Variants in METTL23 observed in about 807,000 individuals in gnomAD.
METTL23 encodes methyltransferase 23, arginine.
Under a neutral mutation model 21.2 loss-of-function variants are expected in METTL23, and 24 were observed. The observed-to-expected ratio is 1.13, with a 90% confidence interval of 0.82 to 1.59. The LOEUF (loss-of-function observed/expected upper bound fraction) is 1.59. Among genes scored for constraint, METTL23 ranks in the 40% most tolerant of loss-of-function variants. The probability of loss-of-function intolerance (pLI) is 0.00; values close to 1 mark genes in which losing one functional copy is unlikely to be tolerated. For missense variants in METTL23, 276 were observed against 221.4 expected, an observed-to-expected ratio of 1.25 and a Z score of -1.57; for synonymous variants, 97 against 75.2, an observed-to-expected ratio of 1.29 and a Z score of -1.50.
chr17:76,727,822 C>T lies in METTL23; in HGVS notation c.-22+644C>T, dbSNP rs191944238. ...CACAGCTCACTGCAACCTCCAACTC[C>T]CGGATTCAAGTGATCCTCCCGCCTG... On this transcript the variant is annotated intron_variant, in intron 1 of 4. Coordinates refer to ENST00000341249, the MANE Select transcript of METTL23 (RefSeq NM_001080510.5). 3.9e-5 allele frequency among the ~76,000 whole-genome samples: 6 copies of T among 152,272 alleles called. No individual in the cohort carries two copies. In the East Asian group the frequency reaches 1.2e-3, roughly 29 times the overall value.
At chr17:76,731,863 T>C (rs997438365) in intron 2 of METTL23, among the ~76,000 whole-genome samples, 2 of 152,234 alleles carry the variant, frequency 1.3e-5, no homozygotes, top group African/African-American at 4.8e-5. Context: ...TCTATCTCTG[T>C]GTCCTTCCTT....
upstream of METTL23, chr17:76,726,790 G>GCCCCCCCCCCCCCCCCCCC: frequency 2.7e-6 from 1 of 373,646 alleles, no homozygotes; most frequent in Non-Finnish European, 5.0e-6. Context: ...CTGCGTCACC[G>GCCCCCCCCCCCCCCCCCCC]CCCCGCCCCG....
At chr17:76,727,716 C>T (rs998545135) in intron 1 of METTL23, among the ~76,000 whole-genome samples, 2 of 152,262 alleles carry the variant, frequency 1.3e-5, no homozygotes, top group African/African-American at 4.8e-5. Flanking sequence ...CAACAAAACT[C>T]TCAATAATAA....
chr17:76,731,918 G>T (rs1185912140), intron 2 of METTL23, among the ~76,000 whole-genome samples: 1 of 152,174 alleles, frequency 6.6e-6, no homozygotes, highest in African/African-American at 2.4e-5. Flanking sequence ...TACTTATGAA[G>T]GCATTCCCTG....
In METTL23 at chr17:76,733,172, A is replaced by G. The variant is rs550073727; in HGVS notation, c.279A>G (p.Pro93=). 1.9e-6 allele frequency: 3 copies of G among 1,613,954 alleles called. No homozygotes were observed. In the African/African-American group the frequency reaches 4.0e-5, roughly 22 times the overall value. ...CTTGGGATCTTCTGGCTCTACCACC[A>G]CAAGATATTATCCTTGCATCTGATG... is the stretch of plus-strand genomic sequence containing the variant. ...HISWDLLALP[P]QDIILASDVF... is the part of the protein sequence containing the mutation. Residue 93 remains proline, a synonymous_variant, in exon 3 of 5, where the codon CCA becomes CCG. Coordinates refer to ENST00000341249, the MANE Select transcript of METTL23 (RefSeq NM_001080510.5).
upstream of METTL23, chr17:76,726,791 C>G (rs2076952511): frequency 2.7e-6 from 1 of 370,892 alleles, no homozygotes; most frequent in Non-Finnish European, 5.0e-6. Flanking sequence ...TGCGTCACCG[C>G]CCCGCCCCGC....
rs186661101 is a variant in METTL23, at chr17:76,731,533, T to C, written c.85-1445T>C. On this transcript the variant is annotated intron_variant, in intron 2 of 4. Transcript: ENST00000341249. ...GGTAATTAGGATTTGAACATATGAA[T>C]TTTGGGTGAACACATTCAGACCGTA... Among the ~76,000 whole-genome samples the C allele has an allele frequency of 5.3e-5, 8 of 151,892 alleles. No homozygotes were observed. In the East Asian group the frequency reaches 1.5e-3, roughly 29 times the overall value.
At chr17:76,728,701 G>A (rs1003509001) in intron 1 of METTL23, among the ~76,000 whole-genome samples, 2 of 151,452 alleles carry the variant, frequency 1.3e-5, no homozygotes, top group South Asian at 2.1e-4. Flanking sequence ...GTAAGCCACC[G>A]CTCCCGGCTG....
upstream of METTL23, chr17:76,726,250 G>C (rs1568003764): frequency 1.2e-5 from 17 of 1,424,512 alleles, no homozygotes; most frequent in Non-Finnish European, 1.6e-5. Context: ...CGAGGTCCCG[G>C]GCGCTCGGGG....
At position 76,733,820 on chromosome 17, in the gene METTL23, A is replaced by G. The variant is rs2077357712; in HGVS notation, c.*134A>G. ...TCAAGTCTGTTTGCCTTAGATTTTG[A>G]TGTCACCTAGACAACACTTAAACTC... On this transcript the variant is annotated 3_prime_UTR_variant, in exon 5 of 5. Transcript: ENST00000341249. 1.4e-6 allele frequency: 1 copy of G among 697,114 alleles called. No homozygotes were observed. Among genetic ancestry groups the G allele is most frequent in the Non-Finnish European group, 2.3e-6 (1 of 438,068 alleles). 43.2% of individuals were successfully genotyped at this position (697,114 alleles called of 1,614,324 possible).
chr17:76,733,428 C>G, intron 4 of METTL23, 51 bp downstream of exon 4: 1 of 1,600,666 alleles, frequency 6.2e-7, no homozygotes. Context: ...CCTTACTCTA[C>G]CCTACCCATG....
rs751711172 is a variant in METTL23 at position 76,733,421 on chromosome 17, T to C, written c.407+44T>C. The C allele has an allele frequency of 6.9e-6, 11 of 1,603,290 alleles. No homozygotes were observed. The South Asian group carries it at 1.2e-4, about 18-fold the overall frequency. On this transcript the variant is annotated intron_variant, in intron 4 of 4. Transcript: ENST00000341249. ...TACTTTTTATATGTAACTTAAGCCT[T>C]ACTCTACCCTACCCATGCGATACAT...
intron 3 of METTL23, 26 bp downstream of exon 3, chr17:76,733,241 A>G (rs997006889): frequency 6.2e-7 from 1 of 1,613,018 alleles, no homozygotes; most frequent in African/African-American, 1.3e-5. Context: ...TCAATAGTAC[A>G]TTTGGCCAGT....
chr17:76,728,894 C>T (rs1184561561), intron 1 of METTL23, among the ~76,000 whole-genome samples: 13 of 143,078 alleles, frequency 9.1e-5, no homozygotes, highest in African/African-American at 1.3e-4. Context: ...CCCGGGTTCA[C>T]GCCATTTTCC....
chr17:76,729,566 G>T (rs2077108770), intron 1 of METTL23, 124 bp from the exon 2 acceptor site: 2 of 646,368 alleles, frequency 3.1e-6, no homozygotes, highest in Non-Finnish European at 5.6e-6. Flanking sequence ...CCCAAAGGTC[G>T]TGGATTGGTG....
At chr17:76,732,743 C>CATA (rs1568014118) in intron 2 of METTL23, 4 of 566,870 alleles carry the variant, frequency 7.1e-6, no homozygotes, top group Non-Finnish European at 1.3e-5. Context: ...ATACATGGCC[C>CATA]TTTAATATTG....
upstream of METTL23, chr17:76,726,549 G>C (rs1279367534): frequency 5.3e-6 from 8 of 1,500,510 alleles, no homozygotes; most frequent in Non-Finnish European, 6.2e-6. Context: ...ACCCCTCCCC[G>C]GCCTGGGCGG....
At chr17:76,731,295 G>C (rs1450904069) in intron 2 of METTL23, among the ~76,000 whole-genome samples, 2 of 152,122 alleles carry the variant, frequency 1.3e-5, no homozygotes, top group African/African-American at 2.4e-5. Flanking sequence ...AGAAATTTGG[G>C]TATCAGTTCT....
At chr17:76,726,479 G>C (rs760427626), upstream of METTL23, 1 of 1,590,712 alleles carries the variant, frequency 6.3e-7, no homozygotes, top group Admixed American at 1.7e-5. Context: ...GGTTCATTCT[G>C]CGGGGTCGCC....
Sources: gnomAD v4.1 joint callset for allele counts (sites outside exome capture counted in the v4.1 genomes callset) on GRCh38, gnomAD v4.1.1 for gene constraint, MANE v1.5 for transcripts, NCBI Gene and HGNC (gene_info 2026-07-23, HGNC 2026-07-21) for gene names.